SLC16A10: variants seen among roughly 807,000 people sequenced by gnomAD.
The protein encoded by SLC16A10 is solute carrier family 16 member 10.
Under a neutral mutation model 40.0 loss-of-function variants are expected in SLC16A10, and 27 were observed. That is an observed-to-expected ratio of 0.67 (90% CI 0.50 to 0.93). The LOEUF is 0.93. Ranked by LOEUF, SLC16A10 falls within the 40% of genes least tolerant of loss-of-function variation. SLC16A10 has a pLI of 0.00. For synonymous variants in SLC16A10, 213 were observed against 249.8 expected, an observed-to-expected ratio of 0.85 and a Z score of 1.39; for missense variants, 529 against 658.2, an observed-to-expected ratio of 0.80 and a Z score of 2.15.
intron 1 of SLC16A10, among the ~76,000 whole-genome samples, chr6:111,125,185 A>AT (rs1344481087): frequency 6.6e-6 from 1 of 152,098 alleles, no homozygotes; most frequent in African/African-American, 2.4e-5. Flanking sequence ...CAAAAGACGT[A>AT]TTTTAATCCA....
chr6:111,137,963 A>C (rs1322972401), intron 1 of SLC16A10, among the ~76,000 whole-genome samples: 5 of 152,228 alleles, frequency 3.3e-5, no homozygotes, highest in Admixed American at 1.3e-4. Flanking sequence ...GGGGAGGGAC[A>C]ATGATCAGGA....
intron 4 of SLC16A10, among the ~76,000 whole-genome samples, chr6:111,209,161 T>C (rs532124845): frequency 6.6e-6 from 1 of 152,260 alleles, no homozygotes; most frequent in Admixed American, 6.5e-5. Context: ...AGTATGGTCA[T>C]GCCACTGTAC....
Position 111,087,655 on chromosome 6 carries a change from C to T in SLC16A10, c.-98C>T. 1 of 714,940 alleles carries T rather than the reference C, an allele frequency of 1.4e-6. No individual in the cohort carries two copies. The allele number at this position is 714,940 out of a possible 1,614,324, so 44.3% of individuals were successfully genotyped here. A position where few individuals can be genotyped will look rare whatever the true frequency, so the allele number is the denominator to read the frequency against. ...GGGGCTCCGCCGCCCTCGCCTCGGC[C>T]TCGTTAGCCCGCCAGGAGCCCCGCA... On this transcript the variant is annotated 5_prime_UTR_variant, in exon 1 of 6. Transcript: ENST00000368851.
chr6:111,116,329 T>C (rs1211887229), intron 1 of SLC16A10, among the ~76,000 whole-genome samples: 1 of 152,164 alleles, frequency 6.6e-6, no homozygotes, highest in East Asian at 1.9e-4. Context: ...GCAATTCTCA[T>C]GCCTCAGCCT....
intron 1 of SLC16A10, among the ~76,000 whole-genome samples, chr6:111,107,151 A>G (rs1273502856): frequency 1.3e-5 from 2 of 152,174 alleles, no homozygotes; most frequent in African/African-American, 4.8e-5. Flanking sequence ...GGAAAAGTTC[A>G]TGGAAAAAAT....
intron 3 of SLC16A10, among the ~76,000 whole-genome samples, chr6:111,194,037 G>A (rs536952570): frequency 6.3e-4 from 96 of 152,292 alleles, no homozygotes; most frequent in African/African-American, 2.2e-3. Context: ...TAGGGAGAGC[G>A]TCTTCTCTTC....
At chr6:111,177,132 TTATAC>T in intron 2 of SLC16A10, 75 bp from the exon 3 acceptor site, 2 of 1,027,608 alleles carry the variant, frequency 1.9e-6, no homozygotes, top group Middle Eastern at 2.3e-4. Flanking sequence ...AAAAACCCAC[TTATAC>T]TATAAGATTT....
chr6:111,218,996 G>T lies in SLC16A10; in HGVS notation c.1269G>T (p.Leu423=). 6.2e-7 allele frequency: 1 copy of T among 1,614,094 alleles called. No individual in the cohort carries two copies. The highest frequency in any genetic ancestry group is 8.5e-7 in the Non-Finnish European group (1 of 1,180,024). ...ATGTCTCCCAAGCAATTGGATTTCT[G>T]CTCGGATTCATGTCTATACCCATGA... The part of the protein sequence containing the change: ...AQDVSQAIGF[L]LGFMSIPMTV... The change falls in exon 5 of 6, where the codon CTG becomes CTT. Residue 423 remains leucine, a synonymous_variant. Coordinates refer to ENST00000368851, the MANE Select transcript of SLC16A10 (RefSeq NM_018593.5).
At chr6:111,122,715 C>T (rs540757016) in intron 1 of SLC16A10, among the ~76,000 whole-genome samples, 4 of 152,114 alleles carry the variant, frequency 2.6e-5, no homozygotes, top group Non-Finnish European at 4.4e-5. Flanking sequence ...GGTGTCAAAC[C>T]GCATTATTGA....
chr6:111,171,609 A>G (rs1030572831), intron 1 of SLC16A10, among the ~76,000 whole-genome samples: 7 of 152,160 alleles, frequency 4.6e-5, no homozygotes, highest in African/African-American at 1.7e-4. Flanking sequence ...TGAACCTAGG[A>G]GTTCAAGACC....
At chr6:111,216,086 A>G (rs896388039) in intron 4 of SLC16A10, among the ~76,000 whole-genome samples, 5 of 152,224 alleles carry the variant, frequency 3.3e-5, no homozygotes, top group Admixed American at 1.3e-4. Flanking sequence ...ACCCTTTTCT[A>G]CATTTTGATT....
At chr6:111,088,217 T>G (rs890839857) in intron 1 of SLC16A10, 122 bp downstream of exon 1, 10 of 993,288 alleles carry the variant, frequency 1.0e-5, no homozygotes, top group South Asian at 1.6e-5. Context: ...TGCCAGAGGG[T>G]GCGAGCAGGG....
chr6:111,191,673 C>T (rs556737545), intron 3 of SLC16A10, among the ~76,000 whole-genome samples: 5 of 152,316 alleles, frequency 3.3e-5, no homozygotes, highest in Admixed American at 2.0e-4. Flanking sequence ...ACATCCTCTC[C>T]AGCATCTGTT....
chr6:111,182,132 G>A (rs1399965527), intron 3 of SLC16A10, among the ~76,000 whole-genome samples: 1 of 151,766 alleles, frequency 6.6e-6, no homozygotes, highest in African/African-American at 2.4e-5. Flanking sequence ...CCTAGTAGCT[G>A]GGATTACAGG....
rs567141849 is a variant in SLC16A10 at position 111,225,183 on chromosome 6, C to A, written c.*2948C>A. The stretch of plus-strand genomic sequence containing the variant: ...TGCAAGATGTGTTCATCTCTTTGAT[C>A]ATATTTACAATGCTTACTCCATAGC... On this transcript the variant is annotated 3_prime_UTR_variant, in exon 6 of 6. Transcript: ENST00000368851. 1.3e-5 allele frequency: 2 copies of A among 152,288 alleles called. No individual in the cohort carries two copies. Among genetic ancestry groups the A allele is most frequent in the Admixed American group, 6.5e-5 (1 of 15,294 alleles). The allele number at this position is 152,288 out of a possible 1,614,324, so 9.4% of individuals were successfully genotyped here.
intron 3 of SLC16A10, among the ~76,000 whole-genome samples, chr6:111,183,524 G>A (rs1271077099): frequency 1.3e-5 from 2 of 152,164 alleles, no homozygotes; most frequent in African/African-American, 4.8e-5. Context: ...AGTCTGAAGT[G>A]ACACTGTATA....
intron 1 of SLC16A10, among the ~76,000 whole-genome samples, chr6:111,135,069 T>C (rs2114494559): frequency 6.6e-6 from 1 of 152,252 alleles, no homozygotes; most frequent in East Asian, 1.9e-4. Flanking sequence ...TTTCACATGC[T>C]TTTCTAATTG....
chr6:111,180,310 G>A (rs1300340477), intron 3 of SLC16A10, among the ~76,000 whole-genome samples: 2 of 152,178 alleles, frequency 1.3e-5, no homozygotes, highest in African/African-American at 4.8e-5. Context: ...TTGGGAGAAT[G>A]AAGTGGAAGG....
At chr6:111,208,285 T>G (rs1366310133) in intron 4 of SLC16A10, among the ~76,000 whole-genome samples, 1 of 152,066 alleles carries the variant, frequency 6.6e-6, no homozygotes, top group African/African-American at 2.4e-5. Flanking sequence ...CTGAGTTGTG[T>G]TTTATAAAGA....
Sources: allele counts gnomAD v4.1 joint callset (sites outside exome capture counted in the v4.1 genomes callset), GRCh38; gene constraint gnomAD v4.1.1; transcripts MANE v1.5; gene names NCBI Gene and HGNC (gene_info 2026-07-23, HGNC 2026-07-21).